Variants in PDCD10 observed in about 807,000 individuals in gnomAD.
PDCD10 encodes programmed cell death protein 10.
In PDCD10, 4 loss-of-function variants were observed where a neutral mutation model predicts 29.2. That is an observed-to-expected ratio of 0.14 (90% confidence interval 0.07 to 0.31). The LOEUF is 0.31. Among genes scored for constraint, PDCD10 ranks in the 10% least tolerant of loss-of-function variants. The probability of loss-of-function intolerance (pLI) is 1.00; values close to 1 mark genes in which losing one functional copy is unlikely to be tolerated. For synonymous variants in PDCD10, 70 were observed against 82.2 expected, an observed-to-expected ratio of 0.85 and a Z score of 0.80; for missense variants, 183 against 257.9, an observed-to-expected ratio of 0.71 and a Z score of 1.99.
intron 3 of PDCD10, among the ~76,000 whole-genome samples, chr3:167,713,719 A>T (rs1722746145): frequency 6.6e-6 from 1 of 152,022 alleles, no homozygotes. Flanking sequence ...AAAGGTAGCC[A>T]TTACAAACTG....
At chr3:167,698,082 T>C (rs1215683573) in intron 4 of PDCD10, 1 of 437,214 alleles carries the variant, frequency 2.3e-6, no homozygotes, top group Admixed American at 2.4e-5. Flanking sequence ...GCCTCTTCAA[T>C]TCCATTGATT....
At chr3:167,729,773 A>G (rs1304365609) in intron 2 of PDCD10, among the ~76,000 whole-genome samples, 1 of 152,194 alleles carries the variant, frequency 6.6e-6, no homozygotes, top group African/African-American at 2.4e-5. Context: ...ATGAATCAAA[A>G]AGTCATTATT....
intron 2 of PDCD10, among the ~76,000 whole-genome samples, chr3:167,731,591 A>G (rs1201164310): frequency 6.6e-6 from 1 of 152,166 alleles, no homozygotes; most frequent in East Asian, 1.9e-4. Flanking sequence ...CTGTGCATGA[A>G]TACACTCCTT....
rs546855256 is a variant in PDCD10 at position 167,687,158 on chromosome 3, T to C, written c.557+76A>G. ...TAATAATAAAATAAAAGGGCTTAAT[T>C]TATGTGGTTTTCATATCATATAAAA... On this transcript the variant is annotated intron_variant, in intron 8 of 8. Coordinates refer to ENST00000392750, the MANE Select transcript of PDCD10 (RefSeq NM_007217.4). 30 of 769,200 alleles carry C rather than the reference T, an allele frequency of 3.9e-5. No individual in the cohort carries two copies. In the African/African-American group the frequency reaches 5.1e-4, roughly 13 times the overall value. 47.6% of individuals were successfully genotyped at this position (769,200 alleles called of 1,614,324 possible).
chr3:167,692,787 G>A (rs374421519), intron 6 of PDCD10, among the ~76,000 whole-genome samples: 14 of 152,198 alleles, frequency 9.2e-5, no homozygotes, highest in African/African-American at 1.9e-4. Flanking sequence ...GCATGGTGGC[G>A]GGCGCCTGTA....
chr3:167,733,641 C>A (rs1327471545), intron 2 of PDCD10, among the ~76,000 whole-genome samples: 9 of 152,204 alleles, frequency 5.9e-5, no homozygotes, highest in Admixed American at 5.2e-4. Context: ...AATGGGCACA[C>A]TAAACTCTCC....
intron 6 of PDCD10, among the ~76,000 whole-genome samples, chr3:167,693,220 GTTTTCT>G (rs1354837439): frequency 6.6e-6 from 1 of 152,176 alleles, no homozygotes; most frequent in African/African-American, 2.4e-5. Flanking sequence ...AAAGATGAAT[GTTTTCT>G]TTTTCTTTCA....
intron 3 of PDCD10, among the ~76,000 whole-genome samples, chr3:167,710,081 G>A (rs114583062): frequency 0.013 from 1,999 of 152,182 alleles, 40 homozygotes; most frequent in African/African-American, 0.046. Context: ...AAACAACAGC[G>A]ATACCCAGGT....
At chr3:167,704,577 A>C in intron 4 of PDCD10, 1 of 288,648 alleles carries the variant, frequency 3.5e-6, no homozygotes, top group Non-Finnish European at 6.5e-6. Flanking sequence ...AAACCCTCAA[A>C]AATATAATCT....
chr3:167,700,665 G>C (rs1418069756), intron 4 of PDCD10, among the ~76,000 whole-genome samples: 1 of 152,104 alleles, frequency 6.6e-6, no homozygotes, highest in African/African-American at 2.4e-5. Context: ...TCAAGAAAAA[G>C]CAAAGTCATT....
chr3:167,729,385 C>T (rs940299364), intron 2 of PDCD10, among the ~76,000 whole-genome samples: 1 of 152,134 alleles, frequency 6.6e-6, no homozygotes, highest in African/African-American at 2.4e-5. Context: ...TCTGTAACTA[C>T]AACTCTTAAT....
At chr3:167,714,394 G>T (rs903078123) in intron 3 of PDCD10, among the ~76,000 whole-genome samples, 7 of 151,840 alleles carry the variant, frequency 4.6e-5, no homozygotes, top group African/African-American at 1.7e-4. Context: ...AAACGACAAG[G>T]ATGCCCACTG....
In PDCD10 at chr3:167,720,258, C is replaced by CA. The variant is rs1358529172; in HGVS notation, c.-102dup. ...TTTTTGGTGATAAAAGAATTGGACACAAAAAACACACTGATCTGGTGAAAG... is the reference window on the plus strand; with the variant it reads ...TTTTTGGTGATAAAAGAATTGGACACAAAAAAACACACTGATCTGGTGAAAG... On this transcript the variant is annotated 5_prime_UTR_variant, in exon 3 of 9. Transcript: ENST00000392750. 5.2e-6 allele frequency: 4 copies of CA among 765,398 alleles called. No individual in the cohort carries two copies. Among genetic ancestry groups the CA allele is most frequent in the South Asian group, 1.4e-5 (1 of 69,038 alleles). The allele number at this position is 765,398 out of a possible 1,614,324, so 47.4% of individuals were successfully genotyped here. A position where few individuals can be genotyped will look rare whatever the true frequency, so the allele number is the denominator to read the frequency against.
chr3:167,718,423 G>C (rs1375755157), intron 3 of PDCD10, among the ~76,000 whole-genome samples: 1 of 151,992 alleles, frequency 6.6e-6, no homozygotes, highest in East Asian at 1.9e-4. Flanking sequence ...TTAATTACTG[G>C]TGTTGGCTAC....
chr3:167,687,184 C>A, intron 8 of PDCD10, 50 bp downstream of exon 8: 1 of 961,772 alleles, frequency 1.0e-6, no homozygotes, highest in Non-Finnish European at 1.7e-6. Context: ...TCATATAAAA[C>A]CACATAATCT....
At chr3:167,694,922 C>T (rs1459281653) in intron 6 of PDCD10, among the ~76,000 whole-genome samples, 1 of 152,162 alleles carries the variant, frequency 6.6e-6, no homozygotes, top group African/African-American at 2.4e-5. Context: ...GCAAGTATTC[C>T]CAGCTTTCTT....
intron 4 of PDCD10, among the ~76,000 whole-genome samples, chr3:167,701,926 T>C (rs1721485386): frequency 6.6e-6 from 1 of 152,098 alleles, no homozygotes; most frequent in Admixed American, 6.6e-5. Context: ...ATGAAAGGTT[T>C]CAAGATATGG....
At chr3:167,717,321 G>A (rs1723121168) in intron 3 of PDCD10, among the ~76,000 whole-genome samples, 1 of 151,970 alleles carries the variant, frequency 6.6e-6, no homozygotes, top group Admixed American at 6.6e-5. Flanking sequence ...AGCTATCATG[G>A]ATCTAACGTT....
chr3:167,731,052 A>G (rs1180790255), intron 2 of PDCD10: 1 of 152,188 alleles, frequency 6.6e-6, no homozygotes, highest in African/African-American at 2.4e-5. Context: ...TCCAGATTCT[A>G]ACCATGGTTC....
Sources: allele counts gnomAD v4.1 joint callset (sites outside exome capture counted in the v4.1 genomes callset), GRCh38; gene constraint gnomAD v4.1.1; transcripts MANE v1.5; gene names NCBI Gene and HGNC (gene_info 2026-07-23, HGNC 2026-07-21).